The following ATP10B variants were observed in gnomAD, a reference collection of about 807,000 sequenced individuals.
ATP10B encodes ATPase phospholipid transporting 10B (putative).
ATP10B carries 122 observed loss-of-function variants against 141.2 expected under a neutral mutation model. That is an observed-to-expected ratio of 0.86 (90% confidence interval 0.75 to 1.00). The LOEUF (loss-of-function observed/expected upper bound fraction) is 1.00. Among genes scored for constraint, ATP10B ranks in the 50% least tolerant of loss-of-function variants. ATP10B has a pLI of 0.00. For synonymous variants in ATP10B, 685 were observed against 692.0 expected (o/e 0.99, Z 0.16); for missense variants, 1,876 against 1,825.3 (o/e 1.03, Z -0.51).
chr5:160,731,114 T>G (rs1397747526), intron 2 of ATP10B, among the ~76,000 whole-genome samples: 1 of 152,206 alleles, frequency 6.6e-6, no homozygotes, highest in Non-Finnish European at 1.5e-5. Flanking sequence ...TAGAAACTGC[T>G]TTTTTATTCA....
At chr5:160,794,859 G>A (rs986989002) in intron 1 of ATP10B, among the ~76,000 whole-genome samples, 11 of 152,082 alleles carry the variant, frequency 7.2e-5, no homozygotes, top group Admixed American at 3.9e-4. Flanking sequence ...TTCATTAATA[G>A]CAATTTCCAA....
intron 7 of ATP10B, among the ~76,000 whole-genome samples, chr5:160,665,621 G>A (rs1762275944): frequency 6.6e-6 from 1 of 152,192 alleles, no homozygotes; most frequent in Non-Finnish European, 1.5e-5. Context: ...AATCTGACTT[G>A]ACCACGGACC....
chr5:160,597,485 A>G (rs550446808), intron 22 of ATP10B, among the ~76,000 whole-genome samples: 2 of 152,336 alleles, frequency 1.3e-5, no homozygotes, highest in South Asian at 2.1e-4. Flanking sequence ...ATAGTCATGC[A>G]CAAGGACTTC....
At chr5:160,871,439 G>C in the ATP10B span, among the ~76,000 whole-genome samples, 1 of 152,030 alleles carries the variant, frequency 6.6e-6, no homozygotes, top group African/African-American at 2.4e-5. Context: ...TAGTGGTGAT[G>C]TGTGAGATTT....
At chr5:160,747,988 TGA>T (rs1275682262) in intron 2 of ATP10B, among the ~76,000 whole-genome samples, 1 of 102,214 alleles carries the variant, frequency 9.8e-6, no homozygotes, top group Non-Finnish European at 1.9e-5. Context: ...AGCTGAGCAT[TGA>T]GAGAGAAAAA....
intron 13 of ATP10B, among the ~76,000 whole-genome samples, chr5:160,625,959 C>T (rs979980964): frequency 1.3e-5 from 2 of 152,252 alleles, no homozygotes; most frequent in African/African-American, 2.4e-5. Flanking sequence ...GGCCCTGGCT[C>T]ATCCTGCAGG....
chr5:160,829,356 C>A (rs1200600595), intron 1 of ATP10B, among the ~76,000 whole-genome samples: 1 of 152,072 alleles, frequency 6.6e-6, no homozygotes, highest in Non-Finnish European at 1.5e-5. Context: ...TTGGTTACTG[C>A]ACGCTTATAG....
rs763790571 is a variant in ATP10B, at chr5:160,606,939, A to G, written c.2986T>C (p.Leu996=). ...TSEAVVPEAG[L]VIDGKTLNAI... Reference sequence around the variant, plus strand: ...TTCAATGTCTTCCCATCGATGACCAATCCAGCTTCTGGAACCACAGCTTCT... The same window carrying G: ...TTCAATGTCTTCCCATCGATGACCAGTCCAGCTTCTGGAACCACAGCTTCT... The change falls in exon 19 of 26, where the codon TTG becomes CTG. Residue 996 remains leucine, a synonymous_variant. Transcript: ENST00000327245. 7 of 1,614,048 alleles carry G rather than the reference A, an allele frequency of 4.3e-6. No homozygotes were observed. The highest frequency in any genetic ancestry group is 5.9e-6 in the Non-Finnish European group (7 of 1,180,022).
chr5:160,726,690 G>A (rs1281517931), intron 2 of ATP10B, among the ~76,000 whole-genome samples: 1 of 151,604 alleles, frequency 6.6e-6, no homozygotes. Flanking sequence ...GGGAGGAGGA[G>A]GAGGAGAGAT....
the ATP10B span, among the ~76,000 whole-genome samples, chr5:160,915,969 C>T: frequency 5.9e-5 from 9 of 152,194 alleles, no homozygotes; most frequent in Admixed American, 1.3e-4. Context: ...TCCCTCAGCC[C>T]GCCATCTGTG....
At chr5:160,711,807 G>A (rs1451286561) in intron 3 of ATP10B, among the ~76,000 whole-genome samples, 1 of 52,568 alleles carries the variant, frequency 1.9e-5, no homozygotes, top group African/African-American at 7.6e-5. Context: ...AATTTATTGA[G>A]AGTTTTTAGC....
At chr5:160,589,773 C>T (rs2127610708) in intron 23 of ATP10B, 77 bp from the exon 24 acceptor site, 1 of 1,080,312 alleles carries the variant, frequency 9.3e-7, no homozygotes, top group South Asian at 1.3e-5. Context: ...GATTATAAAG[C>T]ATCAATGAAG....
chr5:160,822,803 A>G (rs987547938), intron 1 of ATP10B, among the ~76,000 whole-genome samples: 24 of 151,612 alleles, frequency 1.6e-4, no homozygotes, highest in African/African-American at 5.6e-4. Flanking sequence ...TGTGGAAGCT[A>G]AAAATTATAA....
intron 1 of ATP10B, among the ~76,000 whole-genome samples, chr5:160,795,876 T>C (rs1771914983): frequency 6.6e-6 from 1 of 152,136 alleles, no homozygotes; most frequent in African/African-American, 2.4e-5. Flanking sequence ...TTTAGACTTC[T>C]GGCAAGCAGA....
At chr5:160,600,773 TAC>T (rs1244613840) in intron 21 of ATP10B, among the ~76,000 whole-genome samples, 1 of 152,224 alleles carries the variant, frequency 6.6e-6, no homozygotes, top group African/African-American at 2.4e-5. Flanking sequence ...CTCAAGAAGC[TAC>T]AGTGCGGTAA....
intron 1 of ATP10B, among the ~76,000 whole-genome samples, chr5:160,802,890 G>A (rs918421436): frequency 2.0e-5 from 3 of 152,146 alleles, no homozygotes; most frequent in Non-Finnish European, 2.9e-5. Flanking sequence ...TCAGTTTCAC[G>A]ATTCTTCATC....
At chr5:160,665,822 G>GTA in intron 7 of ATP10B, among the ~76,000 whole-genome samples, 1 of 152,298 alleles carries the variant, frequency 6.6e-6, no homozygotes, top group Non-Finnish European at 1.5e-5. Context: ...AGTAATCTCT[G>GTA]TGGTTAGTAA....
Position 160,818,185 on chromosome 5 carries a change from A to C in ATP10B, c.-575-32382T>G, listed in dbSNP as rs1773818379. On this transcript the variant is annotated intron_variant, in intron 1 of 25. Coordinates refer to ENST00000327245, the MANE Select transcript of ATP10B (RefSeq NM_025153.3). ...AAACTAAAGAGCTTCTGCACAGCAAAAGAAACTACCATCAGTGTAAACAGG... is the reference window on the plus strand; with the variant it reads ...AAACTAAAGAGCTTCTGCACAGCAACAGAAACTACCATCAGTGTAAACAGG... Among the ~76,000 whole-genome samples the C allele has an allele frequency of 3.3e-5, 5 of 152,206 alleles. No homozygotes were observed. The South Asian group carries it at 1.0e-3, about 32-fold the overall frequency.
the ATP10B span, among the ~76,000 whole-genome samples, chr5:160,924,722 C>A: frequency 6.6e-6 from 1 of 152,254 alleles, no homozygotes; most frequent in African/African-American, 2.4e-5. Flanking sequence ...GCCCTTGAAA[C>A]AATTTCTTCT....
Sources: allele counts gnomAD v4.1 joint callset (sites outside exome capture counted in the v4.1 genomes callset), GRCh38; gene constraint gnomAD v4.1.1; transcripts MANE v1.5; gene names NCBI Gene and HGNC (gene_info 2026-07-23, HGNC 2026-07-21).